The following PDE6C variants were observed in gnomAD, a reference collection of about 807,000 sequenced individuals.
PDE6C encodes the protein phosphodiesterase 6C, also known as cone cGMP-specific 3',5'-cyclic phosphodiesterase subunit alpha'.
A neutral mutation model predicts 113.1 loss-of-function variants in PDE6C; 75 were observed. The ratio of observed to expected loss-of-function variants is 0.66; its 90% CI spans 0.55 to 0.80. PDE6C has a LOEUF of 0.80. Ranked by LOEUF, PDE6C falls within the 30% of genes least tolerant of loss-of-function variation. The pLI is 0.00. For missense variants in PDE6C, 912 were observed against 1,038.6 expected, an observed-to-expected ratio of 0.88 and a Z score of 1.67; for synonymous variants, 375 against 363.7, an observed-to-expected ratio of 1.03 and a Z score of -0.35.
intron 4 of PDE6C, among the ~76,000 whole-genome samples, chr10:93,622,665 GT>G (rs772786278): frequency 1.1e-3 from 61 of 56,098 alleles, no homozygotes; most frequent in Middle Eastern, 7.9e-3. Context: ...TTTTTTTGTT[GT>G]TTTTTTTTTT....
At chr10:93,628,181 C>G (rs574543198) in intron 7 of PDE6C, among the ~76,000 whole-genome samples, 2 of 152,290 alleles carry the variant, frequency 1.3e-5, no homozygotes, top group South Asian at 4.1e-4. Flanking sequence ...GCTCACAGTT[C>G]TAGTTCCATC....
chr10:93,655,545 A>G (rs1335605370), intron 15 of PDE6C, among the ~76,000 whole-genome samples: 1 of 144,166 alleles, frequency 6.9e-6, no homozygotes, highest in Non-Finnish European at 1.5e-5. Flanking sequence ...TTTAAATTAA[A>G]TTATCTTACT....
intron 9 of PDE6C, 114 bp downstream of exon 9, chr10:93,635,021 C>T (rs1303136512): frequency 7.5e-6 from 8 of 1,069,790 alleles, no homozygotes; most frequent in Admixed American, 1.8e-5. Flanking sequence ...ACATGAGTCA[C>T]ACATAGCTGT....
Position 93,612,663 on chromosome 10 carries a change from C to CTGCCTCA in PDE6C, c.-62_-56dup. The stretch of plus-strand genomic sequence containing the variant: ...CAGGATGAATTTCCTTCTCATCACT[C>CTGCCTCA]TGCCTCAGGTAGTGCTCTGAAGGTC... On this transcript the variant is annotated 5_prime_UTR_variant, in exon 1 of 22. It adds an upstream start codon to the 5' untranslated region. Coordinates refer to ENST00000371447, the MANE Select transcript of PDE6C (RefSeq NM_006204.4). 1 of 1,609,000 alleles carries CTGCCTCA rather than the reference C, an allele frequency of 6.2e-7. No individual in the cohort carries two copies. The highest frequency in any genetic ancestry group is 1.7e-5 in the Admixed American group (1 of 60,020).
At chr10:93,646,563 G>A (rs1275184284) in intron 15 of PDE6C, among the ~76,000 whole-genome samples, 5 of 152,118 alleles carry the variant, frequency 3.3e-5, no homozygotes, top group African/African-American at 9.7e-5. Context: ...CAGGAAGCAC[G>A]GCAGCATCAA....
chr10:93,644,831 T>A (rs922188784), intron 14 of PDE6C, among the ~76,000 whole-genome samples: 11 of 141,160 alleles, frequency 7.8e-5, no homozygotes, highest in Non-Finnish European at 1.4e-4. Flanking sequence ...ACTATATATA[T>A]ACTATATATA....
chr10:93,645,565 T>C (rs1179973830), intron 14 of PDE6C, among the ~76,000 whole-genome samples: 1 of 152,152 alleles, frequency 6.6e-6, no homozygotes, highest in African/African-American at 2.4e-5. Flanking sequence ...TCTCACTGTC[T>C]TGGGGGAGGA....
intron 4 of PDE6C, 51 bp downstream of exon 4, chr10:93,622,123 C>G (rs1424054586): frequency 1.3e-6 from 2 of 1,524,388 alleles, no homozygotes; most frequent in Non-Finnish European, 1.8e-6. Context: ...CTATATAACA[C>G]ACACCACAGG....
chr10:93,654,794 C>CT (rs1196168000), intron 15 of PDE6C, among the ~76,000 whole-genome samples: 7 of 73,014 alleles, frequency 9.6e-5, no homozygotes, highest in African/African-American at 3.4e-4. Flanking sequence ...TTCTTTCTTT[C>CT]TTTCTTTCTT....
At chr10:93,624,877 T>C (rs1447709025) in intron 4 of PDE6C, among the ~76,000 whole-genome samples, 1 of 152,192 alleles carries the variant, frequency 6.6e-6, no homozygotes, top group Non-Finnish European at 1.5e-5. Context: ...TGAGGCCTCC[T>C]CTTATGGTGG....
chr10:93,621,625 C>T (rs1286876158), intron 3 of PDE6C, among the ~76,000 whole-genome samples: 1 of 152,196 alleles, frequency 6.6e-6, no homozygotes, highest in Non-Finnish European at 1.5e-5. Flanking sequence ...CTGGATTCTC[C>T]GTCCAGGGAC....
intron 14 of PDE6C, among the ~76,000 whole-genome samples, chr10:93,644,173 A>T (rs2058572392): frequency 6.6e-6 from 1 of 152,208 alleles, no homozygotes. Context: ...GTCCTTCTCA[A>T]TGCATTGTGT....
intron 12 of PDE6C, 41 bp downstream of exon 12, chr10:93,640,257 G>C (rs779354504): frequency 6.4e-7 from 1 of 1,574,622 alleles, no homozygotes; most frequent in East Asian, 2.2e-5. Flanking sequence ...TGATTCTGTG[G>C]CTCTGCTTCA....
chr10:93,643,639 C>T (rs1440141992), intron 14 of PDE6C, among the ~76,000 whole-genome samples: 1 of 151,896 alleles, frequency 6.6e-6, no homozygotes, highest in Non-Finnish European at 1.5e-5. Flanking sequence ...AATCCTCCTG[C>T]CTCAGCCTCC....
chr10:93,662,179 G>A (rs781350859), intron 19 of PDE6C, 46 bp downstream of exon 19: 2 of 1,276,786 alleles, frequency 1.6e-6, no homozygotes, highest in Non-Finnish European at 2.3e-6. Flanking sequence ...AAGTTATCAG[G>A]ACAGGCCGGG....
intron 4 of PDE6C, among the ~76,000 whole-genome samples, chr10:93,623,229 T>C (rs2058457052): frequency 6.6e-6 from 1 of 152,226 alleles, no homozygotes; most frequent in Non-Finnish European, 1.5e-5. Context: ...ATGTTGAGCA[T>C]CTTCTCATAT....
chr10:93,640,438 A>G lies in PDE6C; in HGVS notation c.1630-12A>G. 1 of 1,583,260 alleles carries G rather than the reference A, an allele frequency of 6.3e-7. No homozygotes were observed. ...TCTATTCCAAAGTCTGAATGGTGTC[A>G]TCTTCTTTTAGGTTCTTACCAGATG... On this transcript the variant is annotated splice_polypyrimidine_tract_variant and intron_variant, in intron 12 of 21. Transcript: ENST00000371447.
chr10:93,646,183 G>T, intron 15 of PDE6C, 136 bp downstream of exon 15: 1 of 642,054 alleles, frequency 1.6e-6, no homozygotes, highest in Admixed American at 2.4e-5. Context: ...TCAATTGATA[G>T]AAATTGCTAT....
chr10:93,655,982 A>G, intron 16 of PDE6C, 122 bp downstream of exon 16: 1 of 742,902 alleles, frequency 1.3e-6, no homozygotes, highest in South Asian at 1.4e-5. Context: ...ACACAGACAC[A>G]CACACACACA....
Sources: allele counts gnomAD v4.1 joint callset (sites outside exome capture counted in the v4.1 genomes callset), GRCh38; gene constraint gnomAD v4.1.1; transcripts MANE v1.5; gene names NCBI Gene and HGNC (gene_info 2026-07-23, HGNC 2026-07-21).